Variants in VIT observed in about 807,000 individuals in gnomAD.
VIT encodes the protein vitrin.
A neutral mutation model predicts 78.0 loss-of-function variants in VIT; 99 were observed. That is an observed-to-expected ratio of 1.27 (90% CI 1.08 to 1.50). The LOEUF is 1.50. VIT is among the 40% of genes most tolerant of loss of function. The pLI is 0.00. For synonymous variants in VIT, 374 were observed against 334.3 expected, an observed-to-expected ratio of 1.12 and a Z score of -1.29; for missense variants, 1,126 against 875.3, an observed-to-expected ratio of 1.29 and a Z score of -3.61.
intron 1 of VIT, among the ~76,000 whole-genome samples, chr2:36,705,295 C>A (rs1338553669): frequency 1.3e-5 from 2 of 152,120 alleles, no homozygotes; most frequent in East Asian, 3.8e-4. Flanking sequence ...GGAAGGGGTT[C>A]TTTAGAGCTC....
chr2:36,795,370 T>A lies in VIT; in HGVS notation c.1059-5931T>A, dbSNP rs546706372. Among the ~76,000 whole-genome samples, 8 of 69,626 alleles carry A rather than the reference T, an allele frequency of 1.1e-4. No homozygotes were observed. The South Asian group carries it at 2.2e-3, about 19-fold the overall frequency. 45.7% of individuals were successfully genotyped at this position (69,626 alleles called of 152,430 possible). On this transcript the variant is annotated intron_variant, in intron 12 of 15. Coordinates refer to ENST00000379242, the MANE Select transcript of VIT (RefSeq NM_053276.4). ...ATTTTATTTTATTTTATTTTATTTA[T>A]TTTATTTTATTTTATATTTTATTTT...
chr2:36,747,501 G>T (rs1668208907), intron 4 of VIT, among the ~76,000 whole-genome samples: 1 of 152,138 alleles, frequency 6.6e-6, no homozygotes, highest in Non-Finnish European at 1.5e-5. Context: ...TATATATTTA[G>T]GATAGTTTTC....
At chr2:36,810,702 C>T (rs374224522) in intron 15 of VIT, among the ~76,000 whole-genome samples, 15 of 150,992 alleles carry the variant, frequency 9.9e-5, no homozygotes, top group East Asian at 9.8e-4. Context: ...AGCACGATCT[C>T]TACTCATTGC....
chr2:36,744,209 T>C (rs531698556), intron 4 of VIT, among the ~76,000 whole-genome samples: 1 of 152,356 alleles, frequency 6.6e-6, no homozygotes, highest in African/African-American at 2.4e-5. Context: ...AATCCATCAC[T>C]GATAGACACC....
chr2:36,780,177 G>A (rs976299093), intron 9 of VIT, among the ~76,000 whole-genome samples: 4 of 152,158 alleles, frequency 2.6e-5, no homozygotes, highest in African/African-American at 2.4e-5. Context: ...CAAACAAACC[G>A]AAAGTGGCAT....
At chr2:36,743,803 A>AT (rs928073863) in intron 4 of VIT, among the ~76,000 whole-genome samples, 18 of 149,850 alleles carry the variant, frequency 1.2e-4, no homozygotes, top group South Asian at 1.1e-3. Flanking sequence ...CTCTTTTTTA[A>AT]TTTTTTTTTT....
intron 12 of VIT, among the ~76,000 whole-genome samples, chr2:36,800,930 G>T (rs1310676757): frequency 1.3e-5 from 2 of 152,118 alleles, no homozygotes; most frequent in South Asian, 2.1e-4. Flanking sequence ...TCTGGGGTAG[G>T]CTGAGAACGC....
chr2:36,783,070 T>C lies in VIT; in HGVS notation c.848-270T>C, dbSNP rs1405192298. Among the ~76,000 whole-genome samples, 3 of 152,192 alleles carry C rather than the reference T, an allele frequency of 2.0e-5. No homozygotes were observed. The East Asian group carries it at 5.8e-4, about 29-fold the overall frequency. ...GCTTAACGCTTTCAGATGACAAAACTAAGGCTCAGAATAAAGAATAAATTA... is the reference window on the plus strand; with the variant it reads ...GCTTAACGCTTTCAGATGACAAAACCAAGGCTCAGAATAAAGAATAAATTA... On this transcript the variant is annotated intron_variant, in intron 10 of 15. Transcript: ENST00000379242.
At chr2:36,796,967 G>A (rs1055280691) in intron 12 of VIT, among the ~76,000 whole-genome samples, 3 of 151,950 alleles carry the variant, frequency 2.0e-5, no homozygotes, top group African/African-American at 7.3e-5. Context: ...TACTATTAAT[G>A]TTTTACATTA....
chr2:36,703,719 A>G (rs10460522), intron 1 of VIT, among the ~76,000 whole-genome samples: 127,384 of 152,122 alleles, frequency 0.84, 53,939 homozygotes, highest in Middle Eastern at 0.95. Flanking sequence ...TGTTTTAACA[A>G]TTGTCAGCCA....
intron 6 of VIT, chr2:36,759,673 T>C: frequency 2.0e-6 from 2 of 990,006 alleles, no homozygotes; most frequent in Non-Finnish European, 2.4e-6. Context: ...GTGAGTCGCT[T>C]TATAACGGGA....
At position 36,808,828 on chromosome 2, in the gene VIT, C is replaced by T. The variant is rs1666939140; in HGVS notation, c.1746C>T (p.Tyr582=). 1 of 1,614,206 alleles carries T rather than the reference C, an allele frequency of 6.2e-7. No individual in the cohort carries two copies. Among genetic ancestry groups the T allele is most frequent in the Non-Finnish European group, 8.5e-7 (1 of 1,180,028 alleles). The change falls in exon 15 of 16, where the codon TAC becomes TAT. Residue 582 remains tyrosine (Y), a synonymous_variant. Coordinates refer to ENST00000379242, the MANE Select transcript of VIT (RefSeq NM_053276.4). ...TCAACGCCATCAAGAGGGTGGGCTA[C>T]TGGAGTGGTGGCACCAGCACGGGGG... The part of the protein sequence containing the change: ...DILNAIKRVG[Y]WSGGTSTGAA...
rs199865945 is a variant in VIT at position 36,808,863 on chromosome 2, A to G, written c.1781A>G (p.Asn594Ser). The part of the protein sequence containing the change: ...SGGTSTGAAI[N>S]FALEQLFKKS... The stretch of plus-strand genomic sequence containing the variant: ...GGCACCAGCACGGGGGCTGCCATCA[A>G]CTTCGCCCTGGAGCAGCTCTTCAAG... Residue 594 changes from asparagine (N) to serine (S), a missense_variant, in exon 15 of 16, where the codon AAC becomes AGC. Physicochemically the swap from Asn to Ser is conservative, Grantham distance 46. Transcript: ENST00000379242. 1.5e-4 allele frequency: 248 copies of G among 1,614,196 alleles called. 3 individuals are homozygous for G. The South Asian group carries it at 2.4e-3, about 16-fold the overall frequency.
At chr2:36,776,004 A>G (rs1173161245) in intron 9 of VIT, among the ~76,000 whole-genome samples, 1 of 152,242 alleles carries the variant, frequency 6.6e-6, no homozygotes, top group Non-Finnish European at 1.5e-5. Context: ...AAATCGTCAG[A>G]TTATGGAATT....
intron 4 of VIT, among the ~76,000 whole-genome samples, chr2:36,750,338 C>T (rs1456048036): frequency 6.6e-6 from 1 of 152,222 alleles, no homozygotes; most frequent in Non-Finnish European, 1.5e-5. Context: ...ACTCCAGTGT[C>T]TGTGTAGAAA....
chr2:36,699,771 AT>A (rs1664931880), intron 1 of VIT, among the ~76,000 whole-genome samples: 1 of 152,188 alleles, frequency 6.6e-6, no homozygotes, highest in Admixed American at 6.5e-5. Flanking sequence ...ATATAACCCC[AT>A]TCGGAAAGAA....
At chr2:36,761,624 C>T (rs369997635) in intron 6 of VIT, among the ~76,000 whole-genome samples, 2 of 152,030 alleles carry the variant, frequency 1.3e-5, no homozygotes, top group African/African-American at 2.4e-5. Flanking sequence ...CCTGTAGTCC[C>T]AGCTACTCGG....
At chr2:36,726,033 C>T (rs1485849503) in intron 2 of VIT, among the ~76,000 whole-genome samples, 1 of 146,040 alleles carries the variant, frequency 6.8e-6, no homozygotes, top group Admixed American at 6.9e-5. Context: ...TGCACTACTA[C>T]AATCCAGCCT....
In VIT at chr2:36,701,931, G is replaced by A. The variant is rs539028500; in HGVS notation, c.-19+4958G>A. On this transcript the variant is annotated intron_variant, in intron 1 of 15. Transcript: ENST00000379242. ...GCTATTCCCAATCCCATGTTCTTGG[G>A]AAGAAGAGTGAACAAAAACATTTCC... Among the ~76,000 whole-genome samples, 37 of 152,346 alleles carry A rather than the reference G, an allele frequency of 2.4e-4. No individual in the cohort carries two copies. In the South Asian group the frequency reaches 7.7e-3, roughly 32 times the overall value.
Sources: gnomAD v4.1 joint callset for allele counts (sites outside exome capture counted in the v4.1 genomes callset) on GRCh38, gnomAD v4.1.1 for gene constraint, MANE v1.5 for transcripts, NCBI Gene and HGNC (gene_info 2026-07-23, HGNC 2026-07-21) for gene names.